ALK: variants seen among roughly 807,000 people sequenced by gnomAD.
The protein encoded by ALK is ALK tyrosine kinase receptor.
A neutral mutation model predicts 163.1 loss-of-function variants in ALK; 74 were observed. That is an observed-to-expected ratio of 0.45 (90% CI 0.38 to 0.55). The LOEUF (loss-of-function observed/expected upper bound fraction) is 0.55. Ranked by LOEUF, ALK falls within the 20% of genes least tolerant of loss-of-function variation. The probability of loss-of-function intolerance (pLI) is 0.00; values close to 1 mark genes in which losing one functional copy is unlikely to be tolerated. For synonymous variants in ALK, 960 were observed against 843.2 expected (o/e 1.14, Z -2.40); for missense variants, 2,063 against 2,105.3 (o/e 0.98, Z 0.39).
intron 13 of ALK, among the ~76,000 whole-genome samples, chr2:29,234,719 A>G (rs560332561): frequency 2.0e-5 from 3 of 152,140 alleles, no homozygotes; most frequent in African/African-American, 7.2e-5. Flanking sequence ...TCAGGCATCT[A>G]GTGGAGCGCC....
intron 8 of ALK, among the ~76,000 whole-genome samples, chr2:29,314,741 A>G (rs544725026): frequency 6.6e-6 from 1 of 152,314 alleles, no homozygotes; most frequent in Admixed American, 6.5e-5. Context: ...CGTGGTTTAA[A>G]TTATTCTAGT....
chr2:29,534,284 G>C (rs1476020915), intron 3 of ALK, among the ~76,000 whole-genome samples: 1 of 152,190 alleles, frequency 6.6e-6, no homozygotes, highest in Non-Finnish European at 1.5e-5. Context: ...CCACACAAGG[G>C]CAAGAATGTG....
chr2:29,389,938 T>C (rs1669122689), intron 4 of ALK, among the ~76,000 whole-genome samples: 1 of 152,144 alleles, frequency 6.6e-6, no homozygotes, highest in Non-Finnish European at 1.5e-5. Flanking sequence ...ACAGTTACCA[T>C]CTGTTGCATA....
intron 15 of ALK, among the ~76,000 whole-genome samples, chr2:29,229,460 C>G (rs964324745): frequency 1.3e-5 from 2 of 152,204 alleles, no homozygotes; most frequent in African/African-American, 2.4e-5. Flanking sequence ...ACCTTCGTTT[C>G]ATTAACTGCC....
rs546768249 is a variant in ALK at position 29,305,707 on chromosome 2, A to C, written c.1648-8650T>G. ...TATTTCTATCTGGGTGGCCTACAGC[A>C]GAGGTCCTCAACCTTTCTGACACCA... On this transcript the variant is annotated intron_variant, in intron 8 of 28. Transcript: ENST00000389048. 5.3e-5 allele frequency among the ~76,000 whole-genome samples: 8 copies of C among 152,334 alleles called. No individual in the cohort carries two copies. In the East Asian group the frequency reaches 1.5e-3, roughly 29 times the overall value.
chr2:29,295,998 G>A (rs1666165979), intron 9 of ALK, among the ~76,000 whole-genome samples: 1 of 152,198 alleles, frequency 6.6e-6, no homozygotes, highest in Admixed American at 6.5e-5. Context: ...GTGCTGCCAT[G>A]CAGGGCCATC....
At position 29,581,829 on chromosome 2, in the gene ALK, T is replaced by A. The variant is rs530766625; in HGVS notation, c.953-49713A>T. 2.6e-5 allele frequency among the ~76,000 whole-genome samples: 4 copies of A among 152,346 alleles called. No individual in the cohort carries two copies. In the East Asian group the frequency reaches 7.7e-4, roughly 29 times the overall value. ...CTGGGCATTTGCCTCTGCTGAGTTT[T>A]TGCTCAGTGATGGCTTAAATGTCCA... is the stretch of plus-strand genomic sequence containing the variant. On this transcript the variant is annotated intron_variant, in intron 3 of 28. Coordinates refer to ENST00000389048, the MANE Select transcript of ALK (RefSeq NM_004304.5).
chr2:29,790,970 A>G (rs770690485), intron 1 of ALK, among the ~76,000 whole-genome samples: 1 of 152,188 alleles, frequency 6.6e-6, no homozygotes, highest in Admixed American at 6.5e-5. Context: ...CTGAAGCCCA[A>G]GAGATAGGAA....
intron 12 of ALK, among the ~76,000 whole-genome samples, chr2:29,247,158 G>A (rs921354713): frequency 6.7e-6 from 1 of 149,546 alleles, no homozygotes; most frequent in Non-Finnish European, 1.5e-5. Flanking sequence ...CGGCCTCCGC[G>A]GCAGCGCCTT....
At chr2:29,353,945 A>G (rs1558689842) in intron 5 of ALK, among the ~76,000 whole-genome samples, 1 of 152,210 alleles carries the variant, frequency 6.6e-6, no homozygotes, top group Non-Finnish European at 1.5e-5. Context: ...AGATAAATGG[A>G]CATAGCTGAC....
At position 29,227,695 on chromosome 2, in the gene ALK, G is replaced by A. The variant is rs769855221; in HGVS notation, c.2816-23C>T. On this transcript the variant is annotated intron_variant, in intron 16 of 28. Coordinates refer to ENST00000389048, the MANE Select transcript of ALK (RefSeq NM_004304.5). This position sits in a 1 kb window ranked among gnomAD's most constrained non-coding sequence, Gnocchi z 4.4. ...CGCCTGAGTAGCAAACCAGAGCAGA[G>A]TTTAACATGGGGGGTGGGTGCCAAA... is the stretch of plus-strand genomic sequence containing the variant. 8.1e-6 allele frequency: 13 copies of A among 1,598,036 alleles called. No individual in the cohort carries two copies. In the African/African-American group the frequency reaches 1.2e-4, roughly 15 times the overall value.
rs199575811 is a variant in ALK at position 29,229,070 on chromosome 2, C to T, written c.2633-4G>A. 95 of 1,613,838 alleles carry T rather than the reference C, an allele frequency of 5.9e-5. No homozygotes were observed. Among genetic ancestry groups the T allele is most frequent in the Admixed American group, 5.7e-4 (34 of 60,012 alleles). On this transcript the variant is annotated splice_region_variant and splice_polypyrimidine_tract_variant and intron_variant, in intron 15 of 28. Transcript: ENST00000389048. ...TCATTCCAGCCACCTCCACCACCTGCGGGAAGAGATAGGGAACCTGCGTGA... is the reference window on the plus strand; with the variant it reads ...TCATTCCAGCCACCTCCACCACCTGTGGGAAGAGATAGGGAACCTGCGTGA...
intron 3 of ALK, among the ~76,000 whole-genome samples, chr2:29,656,994 A>T (rs540622175): frequency 7.2e-5 from 11 of 152,276 alleles, no homozygotes; most frequent in African/African-American, 2.4e-4. Context: ...CCCATGCAAA[A>T]TATTTAACAT....
intron 4 of ALK, among the ~76,000 whole-genome samples, chr2:29,395,248 T>G (rs1300109220): frequency 1.3e-5 from 2 of 152,234 alleles, no homozygotes; most frequent in African/African-American, 2.4e-5. Flanking sequence ...CATAAATCTC[T>G]GGCCAAGTCA....
chr2:29,337,342 G>A (rs1031608710), intron 5 of ALK, among the ~76,000 whole-genome samples: 11 of 152,160 alleles, frequency 7.2e-5, no homozygotes, highest in African/African-American at 1.7e-4. Context: ...TCATGATTCC[G>A]GGAAGTGGGA....
chr2:29,868,538 G>C (rs1218107594), intron 1 of ALK, among the ~76,000 whole-genome samples: 17 of 152,142 alleles, frequency 1.1e-4, no homozygotes, highest in Admixed American at 1.1e-3. Flanking sequence ...TAAATAGAGT[G>C]GTCGGTCAGG....
At chr2:29,910,989 C>A (rs190869533) in intron 1 of ALK, among the ~76,000 whole-genome samples, 13 of 151,906 alleles carry the variant, frequency 8.6e-5, no homozygotes, top group Non-Finnish European at 4.4e-5. Flanking sequence ...ACAACAACAA[C>A]AAGAAAAACA....
At chr2:29,367,406 A>T (rs1668533058) in intron 5 of ALK, among the ~76,000 whole-genome samples, 1 of 152,218 alleles carries the variant, frequency 6.6e-6, no homozygotes, top group Non-Finnish European at 1.5e-5. Flanking sequence ...TTTGGGATTC[A>T]ATCTGCTAAT....
chr2:29,281,585 G>C (rs1019350453), intron 9 of ALK, among the ~76,000 whole-genome samples: 2 of 152,132 alleles, frequency 1.3e-5, no homozygotes, highest in African/African-American at 4.8e-5. Context: ...TTTTCCAGCC[G>C]GTGGAGTTTG....
Sources: allele counts gnomAD v4.1 joint callset (sites outside exome capture counted in the v4.1 genomes callset), GRCh38; gene constraint gnomAD v4.1.1; non-coding constraint Gnocchi (gnomAD v3.1); transcripts MANE v1.5; gene names NCBI Gene and HGNC (gene_info 2026-07-23, HGNC 2026-07-21).